NFASC: variants seen among roughly 807,000 people sequenced by gnomAD.
The protein encoded by NFASC is neurofascin.
Under a neutral mutation model 147.5 loss-of-function variants are expected in NFASC, and 43 were observed. The ratio of observed to expected loss-of-function variants is 0.29; its 90% CI spans 0.23 to 0.38. NFASC has a LOEUF of 0.38. NFASC is among the 10% of genes least tolerant of loss of function. NFASC has a pLI of 1.00. For synonymous variants in NFASC, 622 were observed against 665.5 expected (o/e 0.93, Z 1.01); for missense variants, 1,320 against 1,689.0 (o/e 0.78, Z 3.83).
rs910543990 is a variant in NFASC, at chr1:205,015,992, G to C, written c.3492-316G>C. 1.3e-5 allele frequency among the ~76,000 whole-genome samples: 2 copies of C among 152,078 alleles called. No homozygotes were observed. The highest frequency in any genetic ancestry group is 4.1e-4 in the South Asian group (2 of 4,826). On this transcript the variant is annotated intron_variant, in intron 29 of 29. Transcript: ENST00000339876. The surrounding 1 kb of genome is among the most constrained non-coding windows in gnomAD (Gnocchi z 4.0). Reference sequence around the variant, plus strand: ...AAGCAGTGGCTCTGCCTCACCATGGGGTGGCCATCCTCTGTCCACTTCCAC... The same window carrying C: ...AAGCAGTGGCTCTGCCTCACCATGGCGTGGCCATCCTCTGTCCACTTCCAC...
At chr1:204,964,065 G>T (rs999612198) in intron 8 of NFASC, among the ~76,000 whole-genome samples, 4 of 152,234 alleles carry the variant, frequency 2.6e-5, no homozygotes, top group African/African-American at 9.6e-5. Flanking sequence ...TCAGCCAGGT[G>T]AGGAGACCAA....
intron 26 of NFASC, 27 bp downstream of exon 26, chr1:205,001,313 T>C (rs1166559503): frequency 6.7e-7 from 1 of 1,495,508 alleles, no homozygotes; most frequent in Non-Finnish European, 9.3e-7. Context: ...GGGGTGGTGG[T>C]GGCGGCAGCG....
intron 23 of NFASC, 33 bp from the exon 24 acceptor site, chr1:204,991,259 C>T (rs371378777): frequency 3.5e-4 from 569 of 1,610,988 alleles, no homozygotes; most frequent in Non-Finnish European, 4.7e-4. Flanking sequence ...CTTTCTCCCT[C>T]TGTCTGGCCA....
intron 7 of NFASC, 30 bp from the exon 8 acceptor site, chr1:204,957,626 A>G: frequency 6.2e-7 from 1 of 1,610,474 alleles, no homozygotes; most frequent in Non-Finnish European, 8.5e-7. Context: ...ATTACTACTA[A>G]CCTGCTGCCG....
In NFASC at chr1:204,987,458, C is replaced by T; in HGVS notation, c.2511C>T (p.Asn837=). 4 of 1,614,100 alleles carry T rather than the reference C, an allele frequency of 2.5e-6. No individual in the cohort carries two copies. Among genetic ancestry groups the T allele is most frequent in the African/African-American group, 1.3e-5 (1 of 75,026 alleles). Residue 837 remains asparagine (N), a synonymous_variant, in exon 22 of 30, where the codon AAC becomes AAT. Coordinates refer to ENST00000339876, the MANE Select transcript of NFASC (RefSeq NM_001005388.3). The surrounding 1 kb of genome is among the most constrained non-coding windows in gnomAD (Gnocchi z 4.4). ...GGCGTTTCCGAGTCCGGCAGCCCAA[C>T]CTGGAGACAATCAACCTGGAATGGG... ...APRRFRVRQP[N]LETINLEWDH...
At position 204,979,507 on chromosome 1, in the gene NFASC, T is replaced by C; in HGVS notation, c.2124T>C (p.Val708=). 6.2e-7 allele frequency: 1 copy of C among 1,613,754 alleles called. No individual in the cohort carries two copies. ...TCCGTGTCATTGCCATCAACGAGGT[T>C]GGGAGCAGCCACCCCAGCCTCCCAT... ...YQFRVIAINE[V]GSSHPSLPSE... Residue 708 remains valine (V), a synonymous_variant, in exon 19 of 30, where the codon GTT becomes GTC. Coordinates refer to ENST00000339876, the MANE Select transcript of NFASC (RefSeq NM_001005388.3). This position sits in a 1 kb window ranked among gnomAD's most constrained non-coding sequence, Gnocchi z 6.0.
chr1:204,843,990 G>A (rs1299441593), intron 1 of NFASC, among the ~76,000 whole-genome samples: 10 of 152,058 alleles, frequency 6.6e-5, no homozygotes, highest in Admixed American at 6.5e-5. Flanking sequence ...CGCTTGCTTC[G>A]GCCTCCCAAA....
At chr1:204,983,937 G>GGAGT in intron 21 of NFASC, 1 of 799,500 alleles carries the variant, frequency 1.3e-6, no homozygotes, top group East Asian at 2.6e-5. Context: ...AGTGTTGAGT[G>GGAGT]GAGTGCAGGT....
Position 205,019,520 on chromosome 1 carries a change from A to G in NFASC, c.*2981A>G, listed in dbSNP as rs2151142757. 1 of 151,382 alleles carries G rather than the reference A, an allele frequency of 6.6e-6. No individual in the cohort carries two copies. Among genetic ancestry groups the G allele is most frequent in the Non-Finnish European group, 1.5e-5 (1 of 67,984 alleles). 9.4% of individuals were successfully genotyped at this position (151,382 alleles called of 1,614,324 possible). A position where few individuals can be genotyped will look rare whatever the true frequency, so the allele number is the denominator to read the frequency against. On this transcript the variant is annotated 3_prime_UTR_variant, in exon 30 of 30. Coordinates refer to ENST00000339876, the MANE Select transcript of NFASC (RefSeq NM_001005388.3). ...TCATTCAGCAAATAATCTGAAATCC[A>G]GTCTGAACTAAGGCCTGAGCTGTGG...
intron 1 of NFASC, among the ~76,000 whole-genome samples, chr1:204,881,444 C>G (rs1176625034): frequency 6.6e-6 from 1 of 152,200 alleles, no homozygotes; most frequent in Non-Finnish European, 1.5e-5. Context: ...ATAGAGCCTG[C>G]TAGGCTAATG....
chr1:205,012,363 C>T (rs921830946), intron 28 of NFASC, among the ~76,000 whole-genome samples: 1 of 152,202 alleles, frequency 6.6e-6, no homozygotes, highest in Non-Finnish European at 1.5e-5. Flanking sequence ...ACACAGACCC[C>T]CACCCTTGAG....
At chr1:204,991,411 GC>G (rs1415341655) in intron 24 of NFASC, 105 bp downstream of exon 24, 2 of 1,187,884 alleles carry the variant, frequency 1.7e-6, no homozygotes, top group Non-Finnish European at 2.4e-6. Context: ...CTGAAAGCAT[GC>G]TCCAGACTCA....
intron 8 of NFASC, chr1:204,962,253 G>T: frequency 9.1e-7 from 1 of 1,094,698 alleles, no homozygotes; most frequent in Non-Finnish European, 1.4e-6. Context: ...CCTGCTGGGT[G>T]GCAGCTGGCC....
intron 1 of NFASC, among the ~76,000 whole-genome samples, chr1:204,910,378 A>G (rs1339617404): frequency 2.0e-5 from 3 of 152,042 alleles, no homozygotes; most frequent in African/African-American, 4.8e-5. Context: ...GCATATAGAG[A>G]TAGTTGATTA....
At chr1:204,852,962 C>T (rs1382334866) in intron 1 of NFASC, among the ~76,000 whole-genome samples, 2 of 152,200 alleles carry the variant, frequency 1.3e-5, no homozygotes, top group Non-Finnish European at 2.9e-5. Context: ...ATTCAAGACA[C>T]ACCTGGGGCC....
At position 204,962,144 on chromosome 1, in the gene NFASC, C is replaced by T. The variant is rs1376051876; in HGVS notation, c.706+4318C>T. 2.5e-6 allele frequency: 4 copies of T among 1,613,330 alleles called. No individual in the cohort carries two copies. In the Admixed American group the frequency reaches 6.7e-5, roughly 27 times the overall value. On this transcript the variant is annotated intron_variant, in intron 8 of 29. Transcript: ENST00000339876. Reference sequence around the variant, plus strand: ...AATGACTCGTCCTTAAGAAACCACCCTGACATGTACAGTGGTGAGTCGCAG... The same window carrying T: ...AATGACTCGTCCTTAAGAAACCACCTTGACATGTACAGTGGTGAGTCGCAG...
chr1:204,862,819 T>C (rs577862124), intron 1 of NFASC, among the ~76,000 whole-genome samples: 1 of 152,274 alleles, frequency 6.6e-6, no homozygotes, highest in Admixed American at 6.5e-5. Context: ...ACTGGAACCT[T>C]GGTGAGTTAA....
At chr1:204,966,125 T>C (rs2150191455) in intron 8 of NFASC, among the ~76,000 whole-genome samples, 1 of 152,270 alleles carries the variant, frequency 6.6e-6, no homozygotes, top group Non-Finnish European at 1.5e-5. Flanking sequence ...AGCTTCTCCT[T>C]CTTTAGGATA....
chr1:204,901,320 C>T (rs1462627880), intron 1 of NFASC, among the ~76,000 whole-genome samples: 1 of 152,056 alleles, frequency 6.6e-6, no homozygotes, highest in South Asian at 2.1e-4. Context: ...AGAAGAGATC[C>T]TGGGAGATCC....
Sources: allele counts gnomAD v4.1 joint callset (sites outside exome capture counted in the v4.1 genomes callset), GRCh38; gene constraint gnomAD v4.1.1; non-coding constraint Gnocchi (gnomAD v3.1); transcripts MANE v1.5; gene names NCBI Gene and HGNC (gene_info 2026-07-23, HGNC 2026-07-21).